ATP10B: variants seen among roughly 807,000 people sequenced by gnomAD.
The protein encoded by ATP10B is phospholipid-transporting ATPase VB.
Under a neutral mutation model 141.2 loss-of-function variants are expected in ATP10B, and 122 were observed. The observed-to-expected ratio is 0.86, with a 90% CI of 0.75 to 1.00. The LOEUF is 1.00. ATP10B is among the 50% of genes least tolerant of loss of function. The pLI, the probability that ATP10B is intolerant of heterozygous loss-of-function variation, is 0.00. For synonymous variants in ATP10B, 685 were observed against 692.0 expected (o/e 0.99, Z 0.16); for missense variants, 1,876 against 1,825.3 (o/e 1.03, Z -0.51).
the ATP10B span, among the ~76,000 whole-genome samples, chr5:160,867,641 C>T: frequency 1.3e-5 from 2 of 151,956 alleles, no homozygotes; most frequent in Non-Finnish European, 2.9e-5. Flanking sequence ...GATAAATGAC[C>T]AATGTTACAG....
intron 7 of ATP10B, among the ~76,000 whole-genome samples, chr5:160,655,302 G>A (rs1380589423): frequency 6.7e-6 from 1 of 148,292 alleles, no homozygotes; most frequent in Non-Finnish European, 1.5e-5. Flanking sequence ...TTTTTTTTTG[G>A]CCACTCCCTC....
intron 1 of ATP10B, among the ~76,000 whole-genome samples, chr5:160,818,564 G>A (rs374194226): frequency 6.6e-6 from 1 of 152,332 alleles, no homozygotes; most frequent in South Asian, 2.1e-4. Context: ...CTGTAAACTA[G>A]TTCAACCATT....
At chr5:160,618,336 C>T (rs755960389) in intron 15 of ATP10B, among the ~76,000 whole-genome samples, 10 of 152,198 alleles carry the variant, frequency 6.6e-5, no homozygotes, top group Non-Finnish European at 1.3e-4. Flanking sequence ...AATCAGGGGA[C>T]TAGAAGTTTG....
chr5:160,848,892 C>T (rs1282645079), intron 1 of ATP10B, among the ~76,000 whole-genome samples: 2 of 152,126 alleles, frequency 1.3e-5, no homozygotes, highest in African/African-American at 4.8e-5. Context: ...TATCATGGTA[C>T]CTGTTCTTCA....
At chr5:160,771,654 G>A (rs2127857676) in intron 2 of ATP10B, among the ~76,000 whole-genome samples, 1 of 149,864 alleles carries the variant, frequency 6.7e-6, no homozygotes, top group Non-Finnish European at 1.5e-5. Flanking sequence ...ACTTTTTGTG[G>A]TAAGAATACC....
At chr5:160,730,685 C>G (rs1358009475) in intron 2 of ATP10B, among the ~76,000 whole-genome samples, 1 of 152,176 alleles carries the variant, frequency 6.6e-6, no homozygotes, top group African/African-American at 2.4e-5. Context: ...CTCTGGCCCC[C>G]TTGTATATTC....
chr5:160,873,552 A>G, the ATP10B span, among the ~76,000 whole-genome samples: 1 of 152,250 alleles, frequency 6.6e-6, no homozygotes, highest in Non-Finnish European at 1.5e-5. Context: ...GAATAGGAAC[A>G]GCTCCGGTCT....
intron 13 of ATP10B, among the ~76,000 whole-genome samples, chr5:160,626,641 T>C (rs1179290043): frequency 6.6e-6 from 1 of 152,182 alleles, no homozygotes; most frequent in Non-Finnish European, 1.5e-5. Context: ...GGGGATCTCA[T>C]TAAAATGCAG....
intron 13 of ATP10B, among the ~76,000 whole-genome samples, chr5:160,627,713 A>C (rs908163847): frequency 6.6e-6 from 1 of 152,220 alleles, no homozygotes; most frequent in Non-Finnish European, 1.5e-5. Context: ...GCAGCTCTCT[A>C]TTGAATGTCT....
At chr5:160,609,473 G>A (rs1395878727) in intron 18 of ATP10B, among the ~76,000 whole-genome samples, 3 of 151,874 alleles carry the variant, frequency 2.0e-5, no homozygotes, top group Non-Finnish European at 4.4e-5. Context: ...CTGCCTCCTG[G>A]GTTCAAGTGA....
chr5:160,745,189 C>T (rs1234391135), intron 2 of ATP10B, among the ~76,000 whole-genome samples: 2 of 152,080 alleles, frequency 1.3e-5, no homozygotes, highest in Admixed American at 6.6e-5. Context: ...GAACACCAGC[C>T]CATTCTATTT....
At chr5:160,845,096 T>C (rs1371644832) in intron 1 of ATP10B, among the ~76,000 whole-genome samples, 1 of 152,188 alleles carries the variant, frequency 6.6e-6, no homozygotes, top group Non-Finnish European at 1.5e-5. Context: ...TTAAAAGATA[T>C]AGCATCAAAA....
chr5:160,614,297 T>C (rs1757884028), intron 17 of ATP10B: 1 of 152,212 alleles, frequency 6.6e-6, no homozygotes. Context: ...TTTATTTGTG[T>C]GAAAGAGAAA....
intron 24 of ATP10B, among the ~76,000 whole-genome samples, chr5:160,584,276 C>A (rs1012233210): frequency 6.6e-6 from 1 of 152,064 alleles, no homozygotes; most frequent in African/African-American, 2.4e-5. Flanking sequence ...CTTCCCTTGG[C>A]TAGGGCAGGC....
At chr5:160,873,574 C>G in the ATP10B span, among the ~76,000 whole-genome samples, 4 of 152,214 alleles carry the variant, frequency 2.6e-5, no homozygotes, top group Admixed American at 6.5e-5. Context: ...CAGCTCCCAG[C>G]GTGAGCGACA....
intron 1 of ATP10B, among the ~76,000 whole-genome samples, chr5:160,830,715 T>C (rs1269318277): frequency 6.6e-6 from 1 of 152,078 alleles, no homozygotes; most frequent in African/African-American, 2.4e-5. Context: ...GAGTAGATTT[T>C]TATTGCATAT....
At chr5:160,816,773 A>G (rs1388665545) in intron 1 of ATP10B, among the ~76,000 whole-genome samples, 1 of 152,228 alleles carries the variant, frequency 6.6e-6, no homozygotes, top group Non-Finnish European at 1.5e-5. Context: ...GGCAAACCAA[A>G]TCCAGCAGCA....
chr5:160,622,648 T>G, intron 13 of ATP10B, 63 bp from the exon 14 acceptor site: 2 of 1,434,858 alleles, frequency 1.4e-6, no homozygotes, highest in Admixed American at 2.0e-5. Context: ...AGAAGAATCT[T>G]CACATGCCTG....
At chr5:160,826,258 A>T (rs968033951) in intron 1 of ATP10B, among the ~76,000 whole-genome samples, 1 of 152,130 alleles carries the variant, frequency 6.6e-6, no homozygotes, top group African/African-American at 2.4e-5. Flanking sequence ...GGTTGAACTA[A>T]TTTACCTTCC....
Sources: allele counts gnomAD v4.1 joint callset (sites outside exome capture counted in the v4.1 genomes callset), GRCh38; gene constraint gnomAD v4.1.1; transcripts MANE v1.5; gene names NCBI Gene and HGNC (gene_info 2026-07-23, HGNC 2026-07-21).